The following SLC6A15 variants were observed in gnomAD, a reference collection of about 807,000 sequenced individuals.
SLC6A15 encodes sodium-dependent neutral amino acid transporter B(0)AT2.
In SLC6A15, 33 loss-of-function variants were observed where a neutral mutation model predicts 68.5. The observed-to-expected ratio is 0.48, with a 90% CI of 0.37 to 0.64. The LOEUF is 0.64. Ranked by LOEUF, SLC6A15 falls within the 30% of genes least tolerant of loss-of-function variation. The probability of loss-of-function intolerance (pLI) is 0.00; values close to 1 mark genes in which losing one functional copy is unlikely to be tolerated. For synonymous variants in SLC6A15, 347 were observed against 301.0 expected, an observed-to-expected ratio of 1.15 and a Z score of -1.58; for missense variants, 747 against 874.3, an observed-to-expected ratio of 0.85 and a Z score of 1.84.
At chr12:84,911,865 C>T (rs1260652566) in intron 1 of SLC6A15, 1 of 152,398 alleles carries the variant, frequency 6.6e-6, no homozygotes, top group Non-Finnish European at 1.5e-5. Flanking sequence ...ACACAGGAGC[C>T]GTGATTTCTC....
intron 10 of SLC6A15, among the ~76,000 whole-genome samples, chr12:84,866,507 T>C (rs1486381965): frequency 6.6e-6 from 1 of 152,202 alleles, no homozygotes; most frequent in Non-Finnish European, 1.5e-5. Context: ...GAAAATATCA[T>C]TTCCCAATAT....
intron 3 of SLC6A15, 134 bp from the exon 4 acceptor site, chr12:84,885,695 T>G: frequency 5.4e-6 from 6 of 1,102,012 alleles, no homozygotes; most frequent in Non-Finnish European, 6.4e-6. Context: ...ACATTATCTT[T>G]TCTAAAAAGT....
chr12:84,893,116 G>A (rs1872491723), intron 1 of SLC6A15, among the ~76,000 whole-genome samples: 1 of 152,088 alleles, frequency 6.6e-6, no homozygotes, highest in Admixed American at 6.5e-5. Flanking sequence ...TTGTGATGAG[G>A]CTTTATGGGA....
chr12:84,900,728 T>A (rs7959178), intron 1 of SLC6A15, among the ~76,000 whole-genome samples: 1 of 151,552 alleles, frequency 6.6e-6, no homozygotes, highest in Non-Finnish European at 1.5e-5. Context: ...TCTATTCATA[T>A]GGAGTATCAC....
intron 5 of SLC6A15, among the ~76,000 whole-genome samples, chr12:84,877,304 A>G (rs1871592769): frequency 6.6e-6 from 1 of 151,964 alleles, no homozygotes. Context: ...AAATGGCCCC[A>G]CCCTCCATCC....
chr12:84,885,479 A>G lies in SLC6A15; in HGVS notation c.530T>C (p.Leu177Pro), dbSNP rs1234370571. The change falls in exon 4 of 12, where the codon CTG becomes CCG. Residue 177 changes from leucine to proline, a missense_variant. Transcript: ENST00000266682. Reference protein sequence around the residue: ...FYFSQSFQQPLPWDQCPLVKN... With the variant: ...FYFSQSFQQPPPWDQCPLVKN... ...CACCAAAGGACACTGATCCCAAGGC[A>G]GGGGTTGCTGAAAAGACTGAGAAAA... is the stretch of plus-strand genomic sequence containing the variant. 1.2e-6 allele frequency: 2 copies of G among 1,613,564 alleles called. No individual in the cohort carries two copies. Among genetic ancestry groups the G allele is most frequent in the Non-Finnish European group, 1.7e-6 (2 of 1,179,742 alleles).
At chr12:84,885,788 G>T in intron 3 of SLC6A15, 123 bp downstream of exon 3, 1 of 1,100,016 alleles carries the variant, frequency 9.1e-7, no homozygotes, top group Non-Finnish European at 1.3e-6. Flanking sequence ...TGCCAGTAAC[G>T]TTTTCTAAAA....
At chr12:84,874,433 C>CCACGAAG (rs1188595283) in intron 6 of SLC6A15, 1 of 152,132 alleles carries the variant, frequency 6.6e-6, no homozygotes, top group Non-Finnish European at 1.5e-5. Flanking sequence ...TCACAACAAC[C>CCACGAAG]CACGAAGTTG....
intron 5 of SLC6A15, among the ~76,000 whole-genome samples, chr12:84,878,751 T>A (rs1473309493): frequency 6.6e-6 from 1 of 152,214 alleles, no homozygotes; most frequent in Non-Finnish European, 1.5e-5. Context: ...TACTCTAATC[T>A]ACCCTTAGTA....
chr12:84,908,310 A>G (rs61929981), intron 1 of SLC6A15, among the ~76,000 whole-genome samples: 152,032 of 152,034 alleles, frequency 1, 76,015 homozygotes, highest in Non-Finnish European at 1. Context: ...TAGTATAATT[A>G]AATAACTTTA....
At chr12:84,875,716 G>T (rs71437101) in intron 6 of SLC6A15, among the ~76,000 whole-genome samples, 95,817 of 95,826 alleles carry the variant, frequency 1, 47,904 homozygotes, top group Middle Eastern at 1. Flanking sequence ...CAAAAACGTG[G>T]TCCCTGTTAA....
chr12:84,900,227 T>C (rs1003513639), intron 1 of SLC6A15, among the ~76,000 whole-genome samples: 36 of 152,050 alleles, frequency 2.4e-4, no homozygotes, highest in African/African-American at 8.4e-4. Flanking sequence ...CTGATTAATG[T>C]GTGTTTGGGG....
chr12:84,897,155 T>C (rs1872668069), intron 1 of SLC6A15, among the ~76,000 whole-genome samples: 1 of 152,042 alleles, frequency 6.6e-6, no homozygotes, highest in East Asian at 1.9e-4. Context: ...GCAGAGATCA[T>C]ACCACTGCAT....
In SLC6A15 at chr12:84,892,217, T is replaced by C. The variant is rs1872438825; in HGVS notation, c.-97A>G. The C allele has an allele frequency of 8.7e-7, 1 of 1,152,526 alleles. No individual in the cohort carries two copies. The highest frequency in any genetic ancestry group is 1.2e-6 in the Non-Finnish European group (1 of 823,500). 71.4% of individuals were successfully genotyped at this position (1,152,526 alleles called of 1,614,324 possible). A position where few individuals can be genotyped will look rare whatever the true frequency, so the allele number is the denominator to read the frequency against. Reference sequence around the variant, plus strand: ...CAAAACAATGTTACTTGATAGGAAGTAAAGACCGAGGATGATATCAAATAA... The same window carrying C: ...CAAAACAATGTTACTTGATAGGAAGCAAAGACCGAGGATGATATCAAATAA... On this transcript the variant is annotated 5_prime_UTR_variant, in exon 2 of 12. Coordinates refer to ENST00000266682, the MANE Select transcript of SLC6A15 (RefSeq NM_182767.6).
rs1390810929 is a variant in SLC6A15, at chr12:84,863,454, T to C, written c.1803A>G (p.Ala601=). 1 of 1,575,410 alleles carries C rather than the reference T, an allele frequency of 6.3e-7. No individual in the cohort carries two copies. The highest frequency in any genetic ancestry group is 8.6e-7 in the Non-Finnish European group (1 of 1,167,344). Residue 601 remains alanine, a synonymous_variant, in exon 11 of 12, where the codon GCA becomes GCG. Coordinates refer to ENST00000266682, the MANE Select transcript of SLC6A15 (RefSeq NM_182767.6). ...TTGTATTTACCTTATCTTCAATCCA[T>C]GCGTTATAGCCAGGAGGACTTAATC... ...NMGLSPPGYN[A]WIEDKASEEF...
rs541402814 is a variant in SLC6A15, at chr12:84,878,371, A to C, written c.757-1764T>G. Among the ~76,000 whole-genome samples the C allele has an allele frequency of 2.0e-4, 31 of 152,254 alleles. 1 individual carries two copies. In the South Asian group the frequency reaches 6.0e-3, roughly 30 times the overall value. Reference sequence around the variant, plus strand: ...TCCCTGCGTACTTTTGGCATTCATTAAATTTGGCAGTTGCCTTGATCTCAC... The same window carrying C: ...TCCCTGCGTACTTTTGGCATTCATTCAATTTGGCAGTTGCCTTGATCTCAC... On this transcript the variant is annotated intron_variant, in intron 5 of 11. Transcript: ENST00000266682.
At position 84,861,598 on chromosome 12, in the gene SLC6A15, T is replaced by A; in HGVS notation, c.*34A>T. ...TAGGGCCAATGTTCATTGGTAAAAA[T>A]GAACCAAATAAAACCCACTGACTTT... On this transcript the variant is annotated 3_prime_UTR_variant, in exon 12 of 12. Transcript: ENST00000266682. The A allele has an allele frequency of 2.6e-6, 4 of 1,552,390 alleles. No homozygotes were observed. Among genetic ancestry groups the A allele is most frequent in the Non-Finnish European group, 3.5e-6 (4 of 1,147,690 alleles).
rs544821559 is a variant in SLC6A15 at position 84,884,046 on chromosome 12, G to C, written c.575-6C>G. 6.2e-7 allele frequency: 1 copy of C among 1,604,556 alleles called. No homozygotes were observed. Among genetic ancestry groups the C allele is most frequent in the East Asian group, 2.2e-5 (1 of 44,792 alleles). On this transcript the variant is annotated splice_region_variant and splice_polypyrimidine_tract_variant and intron_variant, in intron 4 of 11. Transcript: ENST00000266682. ...TTCACATTCTGGTTCTACAACTGTA[G>C]AAAGAAAAGTAACACACAATTATTT...
At chr12:84,910,543 A>G (rs1209581840) in intron 1 of SLC6A15, among the ~76,000 whole-genome samples, 2 of 152,322 alleles carry the variant, frequency 1.3e-5, no homozygotes, top group Admixed American at 1.3e-4. Context: ...GCTCCCTGCT[A>G]TTTTGCAGAC....
Sources: allele counts gnomAD v4.1 joint callset (sites outside exome capture counted in the v4.1 genomes callset), GRCh38; gene constraint gnomAD v4.1.1; transcripts MANE v1.5; gene names NCBI Gene and HGNC (gene_info 2026-07-23, HGNC 2026-07-21).